SLC25A17: variants seen among roughly 807,000 people sequenced by gnomAD.
SLC25A17 encodes the protein peroxisomal membrane protein PMP34.
A neutral mutation model predicts 38.5 loss-of-function variants in SLC25A17; 26 were observed. The ratio of observed to expected loss-of-function variants is 0.68; its 90% CI spans 0.50 to 0.94. The LOEUF is 0.94. Ranked by LOEUF, SLC25A17 falls within the 40% of genes least tolerant of loss-of-function variation. The pLI, the probability that SLC25A17 is intolerant of heterozygous loss-of-function variation, is 0.00. For synonymous variants in SLC25A17, 139 were observed against 136.2 expected, an observed-to-expected ratio of 1.02 and a Z score of -0.14; for missense variants, 333 against 372.7, an observed-to-expected ratio of 0.89 and a Z score of 0.88.
intron 1 of SLC25A17, among the ~76,000 whole-genome samples, chr22:40,804,010 T>C (rs1874924783): frequency 6.6e-6 from 1 of 152,096 alleles, no homozygotes; most frequent in Admixed American, 6.6e-5. Flanking sequence ...TTGATGTGAA[T>C]AACAGCTATT....
intron 1 of SLC25A17, among the ~76,000 whole-genome samples, chr22:40,818,337 C>T (rs971864204): frequency 1.3e-5 from 2 of 152,066 alleles, no homozygotes; most frequent in Admixed American, 1.3e-4. Context: ...CAAGTGGAAC[C>T]TAGACACCAG....
chr22:40,791,232 G>A (rs201397052), intron 4 of SLC25A17, among the ~76,000 whole-genome samples: 1 of 152,156 alleles, frequency 6.6e-6, no homozygotes, highest in African/African-American at 2.4e-5. Flanking sequence ...GGGAAGGCAC[G>A]AAGAGCCTGT....
intron 2 of SLC25A17, among the ~76,000 whole-genome samples, chr22:40,796,109 G>A (rs1293530540): frequency 6.6e-6 from 1 of 152,120 alleles, no homozygotes; most frequent in East Asian, 1.9e-4. Flanking sequence ...GTTTCTTAAA[G>A]GGTTTTAGCC....
chr22:40,795,053 C>T (rs6002139), intron 2 of SLC25A17, among the ~76,000 whole-genome samples: 108,540 of 151,716 alleles, frequency 0.72, 39,913 homozygotes, highest in African/African-American at 0.87. Context: ...ATACCCGGCC[C>T]GTGTATGTTT....
At chr22:40,813,617 G>A (rs1039978512) in intron 1 of SLC25A17, among the ~76,000 whole-genome samples, 3 of 151,484 alleles carry the variant, frequency 2.0e-5, no homozygotes, top group Non-Finnish European at 2.9e-5. Context: ...CCAGCTACTC[G>A]GAAGGCTGAG....
intron 4 of SLC25A17, among the ~76,000 whole-genome samples, chr22:40,788,397 A>G (rs1214551943): frequency 6.6e-6 from 1 of 152,234 alleles, no homozygotes; most frequent in Non-Finnish European, 1.5e-5. Context: ...GAGGCTGGAC[A>G]ATAATAAACA....
intron 7 of SLC25A17, among the ~76,000 whole-genome samples, chr22:40,775,594 G>C (rs1397043630): frequency 1.3e-5 from 2 of 151,112 alleles, no homozygotes; most frequent in Non-Finnish European, 3.0e-5. Flanking sequence ...CTCCCGAGTA[G>C]CTGGGACTAC....
Position 40,789,620 on chromosome 22 carries a change from C to T in SLC25A17, c.334+2905G>A, listed in dbSNP as rs1177748174. Among the ~76,000 whole-genome samples the T allele has an allele frequency of 2.0e-5, 3 of 151,936 alleles. No homozygotes were observed. Among genetic ancestry groups the T allele is most frequent in the Non-Finnish European group, 2.9e-5 (2 of 67,976 alleles). ...CTGCCAGGTTCAAACAATTCTCCTGCCTCAGTCTCCCAAGTAGGTGGAATT... is the reference window on the plus strand; with the variant it reads ...CTGCCAGGTTCAAACAATTCTCCTGTCTCAGTCTCCCAAGTAGGTGGAATT... On this transcript the variant is annotated intron_variant, in intron 4 of 8. Transcript: ENST00000435456. The surrounding 1 kb of genome is among the most constrained non-coding windows in gnomAD (Gnocchi z 4.5).
At chr22:40,786,461 C>T (rs1231495503) in intron 4 of SLC25A17, among the ~76,000 whole-genome samples, 1 of 152,138 alleles carries the variant, frequency 6.6e-6, no homozygotes, top group East Asian at 1.9e-4. Flanking sequence ...TATCAAGATC[C>T]CCAGATGCTC....
At chr22:40,802,151 T>C (rs1250795843) in intron 1 of SLC25A17, among the ~76,000 whole-genome samples, 4 of 152,166 alleles carry the variant, frequency 2.6e-5, no homozygotes, top group Non-Finnish European at 4.4e-5. Flanking sequence ...AGAAAAAGTC[T>C]AGCCTGGAAG....
intron 4 of SLC25A17, 89 bp downstream of exon 4, chr22:40,792,436 A>C (rs1348964337): frequency 2.8e-6 from 3 of 1,056,350 alleles, no homozygotes; most frequent in East Asian, 5.3e-5. Flanking sequence ...TATTCTTTGT[A>C]AGCATTACTT....
At chr22:40,773,135 C>T (rs995090394) in intron 8 of SLC25A17, among the ~76,000 whole-genome samples, 22 of 151,974 alleles carry the variant, frequency 1.4e-4, no homozygotes, top group African/African-American at 3.4e-4. Context: ...CAAGGCTGGG[C>T]GCGGTGGCTC....
At chr22:40,797,570 G>A (rs138305) in intron 2 of SLC25A17, among the ~76,000 whole-genome samples, 105,746 of 152,098 alleles carry the variant, frequency 0.7, 37,579 homozygotes, top group African/African-American at 0.81. Context: ...AAAATTATTA[G>A]TGCAAGACCA....
intron 8 of SLC25A17, among the ~76,000 whole-genome samples, chr22:40,772,268 G>A (rs1394535847): frequency 6.6e-6 from 1 of 152,062 alleles, no homozygotes; most frequent in Non-Finnish European, 1.5e-5. Context: ...GATATAGTGA[G>A]TATTTATTTT....
At chr22:40,792,034 T>C (rs1244523728) in intron 4 of SLC25A17, among the ~76,000 whole-genome samples, 6 of 152,176 alleles carry the variant, frequency 3.9e-5, no homozygotes, top group African/African-American at 1.4e-4. Context: ...ATACATATAA[T>C]GGAATATTAT....
chr22:40,806,015 T>C (rs1219746414), intron 1 of SLC25A17, among the ~76,000 whole-genome samples: 1 of 152,208 alleles, frequency 6.6e-6, no homozygotes, highest in Non-Finnish European at 1.5e-5. Context: ...CAGTCCCAGC[T>C]AGTAACTGTG....
In SLC25A17 at chr22:40,771,399, C is replaced by T. The variant is rs184242374; in HGVS notation, c.777-418G>A. Among the ~76,000 whole-genome samples the T allele has an allele frequency of 9.3e-4, 142 of 152,240 alleles. No homozygotes were observed. In the Middle Eastern group the frequency reaches 0.017, roughly 18 times the overall value. ...TGCTGGGATTACAGGTGTGAGCCAC[C>T]GTGCCAGGCCCTAGTTTTTGGTTCT... On this transcript the variant is annotated intron_variant, in intron 8 of 8. Transcript: ENST00000435456.
At chr22:40,799,718 T>C (rs915502429) in intron 1 of SLC25A17, 1 of 152,162 alleles carries the variant, frequency 6.6e-6, no homozygotes, top group African/African-American at 2.4e-5. Context: ...TCAAATCAGA[T>C]TTTTAGTGAA....
chr22:40,796,221 A>C (rs2057428115), intron 2 of SLC25A17, among the ~76,000 whole-genome samples: 1 of 152,234 alleles, frequency 6.6e-6, no homozygotes, highest in African/African-American at 2.4e-5. Flanking sequence ...AATTAACTTC[A>C]AATTTCCTAC....
Sources: gnomAD v4.1 joint callset for allele counts (sites outside exome capture counted in the v4.1 genomes callset) on GRCh38, gnomAD v4.1.1 for gene constraint, Gnocchi (gnomAD v3.1) non-coding constraint, MANE v1.5 for transcripts, NCBI Gene and HGNC (gene_info 2026-07-23, HGNC 2026-07-21) for gene names.